SCIN: variants seen among roughly 807,000 people sequenced by gnomAD.
SCIN encodes the protein scinderin.
In SCIN, 91 loss-of-function variants were observed where a neutral mutation model predicts 91.8. The ratio of observed to expected loss-of-function variants is 0.99; its 90% CI spans 0.84 to 1.18. The LOEUF (loss-of-function observed/expected upper bound fraction) is 1.18, where lower values mean the gene tolerates loss of function less well. Ranked by LOEUF, SCIN falls within the 50% of genes most tolerant of loss-of-function variation. The pLI is 0.00. For synonymous variants in SCIN, 367 were observed against 312.6 expected, an observed-to-expected ratio of 1.17 and a Z score of -1.84; for missense variants, 1,087 against 863.9, an observed-to-expected ratio of 1.26 and a Z score of -3.24.
At chr7:12,580,014 G>A (rs1415228747) in intron 2 of SCIN, among the ~76,000 whole-genome samples, 1 of 151,954 alleles carries the variant, frequency 6.6e-6, no homozygotes, top group Non-Finnish European at 1.5e-5. Flanking sequence ...ATTATGGACT[G>A]GGAAATCATT....
rs550965335 is a variant in SCIN, at chr7:12,657,627, T to C, written c.*4912T>C. The C allele has an allele frequency of 1.5e-5, 2 of 137,592 alleles. No homozygotes were observed. Among genetic ancestry groups the C allele is most frequent in the Admixed American group, 7.6e-5 (1 of 13,116 alleles). 8.5% of individuals were successfully genotyped at this position (137,592 alleles called of 1,614,324 possible). On this transcript the variant is annotated 3_prime_UTR_variant, in exon 16 of 16. Transcript: ENST00000297029. ...TTGGCAAAAAAACAAAGATATTGTTTAGCAATTTCCTTGTATAATGCAATC... is the reference window on the plus strand; with the variant it reads ...TTGGCAAAAAAACAAAGATATTGTTCAGCAATTTCCTTGTATAATGCAATC...
intron 11 of SCIN, among the ~76,000 whole-genome samples, chr7:12,641,012 A>T (rs1783847551): frequency 6.6e-6 from 1 of 152,204 alleles, no homozygotes. Flanking sequence ...CCATGGTGCC[A>T]TAAGATAAGA....
At chr7:12,618,564 C>G (rs1783343892) in intron 4 of SCIN, among the ~76,000 whole-genome samples, 1 of 152,022 alleles carries the variant, frequency 6.6e-6, no homozygotes, top group Admixed American at 6.6e-5. Context: ...ATCTTATATC[C>G]AGAGTGGGTG....
At chr7:12,581,022 C>T in intron 2 of SCIN, 38 bp from the exon 3 acceptor site, 2 of 1,541,762 alleles carry the variant, frequency 1.3e-6, no homozygotes, top group Non-Finnish European at 1.8e-6. Flanking sequence ...TCAGTTTTCT[C>T]TTTGTTTTTT....
chr7:12,602,452 G>A lies in SCIN; in HGVS notation c.517-2062G>A, dbSNP rs994444013. On this transcript the variant is annotated intron_variant, in intron 3 of 15. Coordinates refer to ENST00000297029, the MANE Select transcript of SCIN (RefSeq NM_001112706.3). The stretch of plus-strand genomic sequence containing the variant: ...AAACAGGGTTCGAGAGCAGAGAACT[G>A]GTCTGACCAAAAATTTACCAGGCTG... Among the ~76,000 whole-genome samples the A allele has an allele frequency of 1.1e-4, 17 of 152,216 alleles. 1 individual carries two copies. The highest frequency in any genetic ancestry group is 1.6e-4 in the Non-Finnish European group (11 of 68,012).
intron 9 of SCIN, among the ~76,000 whole-genome samples, chr7:12,635,429 G>A (rs1162983195): frequency 6.6e-6 from 1 of 150,876 alleles, no homozygotes; most frequent in Non-Finnish European, 1.5e-5. Context: ...GGCCAACATA[G>A]TGACACCCCC....
At chr7:12,636,529 G>A (rs1473585263) in intron 10 of SCIN, among the ~76,000 whole-genome samples, 5 of 152,164 alleles carry the variant, frequency 3.3e-5, no homozygotes, top group South Asian at 2.1e-4. Context: ...ACCTGTGAGT[G>A]TGATATGTTA....
chr7:12,626,106 C>T (rs1783516380), intron 7 of SCIN: 2 of 431,806 alleles, frequency 4.6e-6, no homozygotes, highest in East Asian at 7.9e-5. Context: ...GATAGTAAAC[C>T]ACAGTAGGTT....
chr7:12,625,892 T>C (rs2529782), intron 7 of SCIN, 42 bp downstream of exon 7: 158,482 of 1,420,016 alleles, frequency 0.11, 9,215 homozygotes, highest in Middle Eastern at 0.13. Context: ...ATAGAAAACA[T>C]TGGAGCTCAT....
chr7:12,617,067 T>A (rs1017864688), intron 4 of SCIN, among the ~76,000 whole-genome samples: 1 of 152,080 alleles, frequency 6.6e-6, no homozygotes, highest in Non-Finnish European at 1.5e-5. Flanking sequence ...AAAGTGTAAG[T>A]CCATGAGGAG....
At chr7:12,632,949 G>A (rs555528458) in intron 9 of SCIN, among the ~76,000 whole-genome samples, 82 of 152,318 alleles carry the variant, frequency 5.4e-4, no homozygotes, top group African/African-American at 1.9e-3. Flanking sequence ...GTCCTTGTGA[G>A]TCTTCACCAT....
intron 3 of SCIN, among the ~76,000 whole-genome samples, chr7:12,601,113 T>C (rs1782949298): frequency 6.6e-6 from 1 of 152,206 alleles, no homozygotes; most frequent in African/African-American, 2.4e-5. Context: ...CTAGACGTAG[T>C]CCTTTTGATT....
At chr7:12,608,897 A>G (rs1408961515) in intron 4 of SCIN, among the ~76,000 whole-genome samples, 1 of 152,186 alleles carries the variant, frequency 6.6e-6, no homozygotes, top group Admixed American at 6.5e-5. Flanking sequence ...GGATATTTTA[A>G]TCAATTAAAT....
intron 2 of SCIN, among the ~76,000 whole-genome samples, chr7:12,580,201 A>G (rs1782459318): frequency 6.6e-6 from 1 of 152,082 alleles, no homozygotes; most frequent in Non-Finnish European, 1.5e-5. Flanking sequence ...TATCAGTGAC[A>G]GTTTTGTTTA....
intron 13 of SCIN, among the ~76,000 whole-genome samples, chr7:12,648,121 G>A (rs7779162): frequency 6.6e-6 from 1 of 152,012 alleles, no homozygotes; most frequent in Admixed American, 6.5e-5. Flanking sequence ...TTACCAATGG[G>A]TGGATGAAGC....
At chr7:12,594,115 T>C (rs1224288210) in intron 3 of SCIN, among the ~76,000 whole-genome samples, 7 of 151,920 alleles carry the variant, frequency 4.6e-5, no homozygotes, top group African/African-American at 9.7e-5. Context: ...GCTGAGCACA[T>C]TGGGCCCGAG....
Position 12,598,770 on chromosome 7 carries a change from G to A in SCIN, c.517-5744G>A, listed in dbSNP as rs186736384. Among the ~76,000 whole-genome samples, 29 of 152,150 alleles carry A rather than the reference G, an allele frequency of 1.9e-4. No homozygotes were observed. In the East Asian group the frequency reaches 5.2e-3, roughly 27 times the overall value. ...AAAAAACAAAAAAAGTTCGCTAGGCGTGGTGGCACATAGCTGTAGTCCTAC... is the reference window on the plus strand; with the variant it reads ...AAAAAACAAAAAAAGTTCGCTAGGCATGGTGGCACATAGCTGTAGTCCTAC... On this transcript the variant is annotated intron_variant, in intron 3 of 15. Transcript: ENST00000297029.
chr7:12,583,048 C>T (rs772065172), intron 3 of SCIN, among the ~76,000 whole-genome samples: 3 of 151,726 alleles, frequency 2.0e-5, no homozygotes, highest in Admixed American at 6.6e-5. Context: ...GGTCCCTTAA[C>T]CAGAAAGGCA....
chr7:12,575,076 A>G (rs943081577), intron 1 of SCIN, among the ~76,000 whole-genome samples: 2 of 152,072 alleles, frequency 1.3e-5, no homozygotes, highest in African/African-American at 4.8e-5. Flanking sequence ...ATGCCTGAGT[A>G]TTTCAGTTTC....
Sources: allele counts gnomAD v4.1 joint callset (sites outside exome capture counted in the v4.1 genomes callset), GRCh38; gene constraint gnomAD v4.1.1; transcripts MANE v1.5; gene names NCBI Gene and HGNC (gene_info 2026-07-23, HGNC 2026-07-21).